Variants in CABIN1 observed in about 807,000 individuals in gnomAD.
CABIN1 encodes calcineurin binding protein 1.
CABIN1 carries 133 observed loss-of-function variants against 227.7 expected under a neutral mutation model. The observed-to-expected ratio is 0.58, with a 90% CI of 0.51 to 0.67. The LOEUF (loss-of-function observed/expected upper bound fraction) is 0.67. Ranked by LOEUF, CABIN1 falls within the 30% of genes least tolerant of loss-of-function variation. The pLI is 0.00. For missense variants in CABIN1, 2,408 were observed against 2,852.5 expected, an observed-to-expected ratio of 0.84 and a Z score of 3.55; for synonymous variants, 1,086 against 1,155.1, an observed-to-expected ratio of 0.94 and a Z score of 1.21.
intron 1 of CABIN1, among the ~76,000 whole-genome samples, chr22:24,014,688 T>C (rs149954316): frequency 6.4e-4 from 97 of 152,298 alleles, no homozygotes; most frequent in Middle Eastern, 3.4e-3. Context: ...ATTTTAGTTG[T>C]TTTTGCGGTA....
chr22:24,033,043 A>T (rs1459505188), intron 1 of CABIN1, among the ~76,000 whole-genome samples: 2 of 152,200 alleles, frequency 1.3e-5, no homozygotes, highest in African/African-American at 2.4e-5. Context: ...GCGCCACTGC[A>T]CTCCAGCCTA....
intron 27 of CABIN1, 68 bp downstream of exon 27, chr22:24,113,816 G>A: frequency 6.4e-7 from 1 of 1,561,612 alleles, no homozygotes; most frequent in Non-Finnish European, 8.8e-7. Context: ...CAAAGCCGAA[G>A]GCTTCGTGGC....
At position 24,137,262 on chromosome 22, in the gene CABIN1, A is replaced by C. The variant is rs139437889; in HGVS notation, c.4746+2847A>C. ...CACAGGGGAAGACCTCAGCCTTTCTAATGATAAAGCTGGGGAAGCCGGCCC... is the reference window on the plus strand; with the variant it reads ...CACAGGGGAAGACCTCAGCCTTTCTCATGATAAAGCTGGGGAAGCCGGCCC... On this transcript the variant is annotated intron_variant, in intron 29 of 36. Coordinates refer to ENST00000263119, the MANE Select transcript of CABIN1 (RefSeq NM_012295.4). Among the ~76,000 whole-genome samples, 928 of 152,282 alleles carry C rather than the reference A, an allele frequency of 6.1e-3. 10 individuals carry two copies. The highest frequency in any genetic ancestry group is 0.021 in the African/African-American group (860 of 41,562).
chr22:24,128,038 G>A (rs2043841365), intron 28 of CABIN1, among the ~76,000 whole-genome samples: 1 of 152,026 alleles, frequency 6.6e-6, no homozygotes, highest in Non-Finnish European at 1.5e-5. Flanking sequence ...GATGACCAAA[G>A]ATGTTTCCAG....
chr22:24,085,393 G>C (rs1382455331), intron 22 of CABIN1, among the ~76,000 whole-genome samples: 4 of 152,214 alleles, frequency 2.6e-5, no homozygotes, highest in Admixed American at 1.3e-4. Context: ...TTGGTAAAGG[G>C]TTATTAGAGA....
chr22:24,118,441 A>G (rs2043208119), intron 27 of CABIN1, among the ~76,000 whole-genome samples: 1 of 152,078 alleles, frequency 6.6e-6, no homozygotes, highest in Non-Finnish European at 1.5e-5. Flanking sequence ...GCCCTGCCCC[A>G]GCAGGCCCCA....
intron 28 of CABIN1, among the ~76,000 whole-genome samples, chr22:24,130,358 C>G (rs1181462113): frequency 6.6e-6 from 1 of 152,152 alleles, no homozygotes; most frequent in African/African-American, 2.4e-5. Context: ...AGGGGAAGAG[C>G]CCAGGCCTCA....
At chr22:24,114,333 C>T (rs2042968981) in intron 27 of CABIN1, among the ~76,000 whole-genome samples, 1 of 152,112 alleles carries the variant, frequency 6.6e-6, no homozygotes, top group African/African-American at 2.4e-5. Flanking sequence ...CTGGGGCTTT[C>T]CTGGCCCCAC....
At chr22:24,117,624 G>C (rs2043165542) in intron 27 of CABIN1, among the ~76,000 whole-genome samples, 1 of 152,162 alleles carries the variant, frequency 6.6e-6, no homozygotes, top group African/African-American at 2.4e-5. Context: ...CGGCTGAGCG[G>C]GTCTTCCCTG....
At chr22:24,123,447 C>T (rs542186476) in intron 28 of CABIN1, among the ~76,000 whole-genome samples, 1 of 152,344 alleles carries the variant, frequency 6.6e-6, no homozygotes, top group African/African-American at 2.4e-5. Flanking sequence ...CTAGACCTTG[C>T]ATATGCTGGG....
chr22:24,164,369 C>G (rs753827242), intron 29 of CABIN1, 31 bp from the exon 30 acceptor site: 1 of 1,599,990 alleles, frequency 6.3e-7, no homozygotes, highest in East Asian at 2.2e-5. Context: ...ACAACCACCC[C>G]CCTCACACAC....
intron 25 of CABIN1, 45 bp downstream of exon 25, chr22:24,096,127 G>C: frequency 6.2e-7 from 1 of 1,607,166 alleles, no homozygotes; most frequent in Non-Finnish European, 8.5e-7. Flanking sequence ...TACCCCATCT[G>C]CATCCCAGAT....
intron 8 of CABIN1, 122 bp downstream of exon 8, chr22:24,051,096 C>A: frequency 7.7e-7 from 1 of 1,295,310 alleles, no homozygotes; most frequent in Non-Finnish European, 1.1e-6. Context: ...TGAATGGGGG[C>A]TGGGTGCACA....
chr22:24,166,001 A>G (rs549588249), intron 31 of CABIN1, among the ~76,000 whole-genome samples: 1 of 152,328 alleles, frequency 6.6e-6, no homozygotes, highest in South Asian at 2.1e-4. Flanking sequence ...CAGGTGCAGC[A>G]GTACCTCCTT....
chr22:24,016,897 CAT>C (rs1308438693), intron 1 of CABIN1, among the ~76,000 whole-genome samples: 2 of 152,024 alleles, frequency 1.3e-5, no homozygotes, highest in Non-Finnish European at 2.9e-5. Context: ...AACATTTTTT[CAT>C]ATGTTTTAGA....
At chr22:24,168,591 G>T (rs1404672728) in intron 33 of CABIN1, 70 bp downstream of exon 33, 24 of 1,237,032 alleles carry the variant, frequency 1.9e-5, no homozygotes, top group Non-Finnish European at 2.8e-5. Flanking sequence ...CTAGGATGCA[G>T]GCTGAGAAGC....
chr22:24,075,655 A>G (rs2146853545), intron 18 of CABIN1, among the ~76,000 whole-genome samples: 1 of 152,114 alleles, frequency 6.6e-6, no homozygotes, highest in East Asian at 1.9e-4. Flanking sequence ...TGAGGCAGGA[A>G]GATTGTGTGA....
intron 1 of CABIN1, among the ~76,000 whole-genome samples, chr22:24,017,009 G>A (rs1224524472): frequency 6.9e-6 from 1 of 145,588 alleles, no homozygotes; most frequent in African/African-American, 2.5e-5. Context: ...AAAAAAAATT[G>A]TGATAAAATA....
intron 26 of CABIN1, among the ~76,000 whole-genome samples, chr22:24,107,153 CTG>C (rs1429952543): frequency 6.6e-6 from 1 of 152,222 alleles, no homozygotes; most frequent in African/African-American, 2.4e-5. Context: ...CATCTCATCT[CTG>C]TGTACATAGC....
Sources: allele counts gnomAD v4.1 joint callset (sites outside exome capture counted in the v4.1 genomes callset), GRCh38; gene constraint gnomAD v4.1.1; transcripts MANE v1.5; gene names NCBI Gene and HGNC (gene_info 2026-07-23, HGNC 2026-07-21).